The following AMOTL1 variants were observed in gnomAD, a reference collection of about 807,000 sequenced individuals.
The protein encoded by AMOTL1 is angiomotin like 1.
AMOTL1 carries 45 observed loss-of-function variants against 102.9 expected under a neutral mutation model. The ratio of observed to expected loss-of-function variants is 0.44; its 90% CI spans 0.34 to 0.56. The LOEUF (loss-of-function observed/expected upper bound fraction) is 0.56. Among genes scored for constraint, AMOTL1 ranks in the 20% least tolerant of loss-of-function variants. The pLI, the probability that AMOTL1 is intolerant of heterozygous loss-of-function variation, is 0.01. For synonymous variants in AMOTL1, 481 were observed against 484.7 expected (o/e 0.99, Z 0.10); for missense variants, 1,114 against 1,225.6 (o/e 0.91, Z 1.36).
At chr11:94,839,657 A>G (rs1170898629) in intron 6 of AMOTL1, among the ~76,000 whole-genome samples, 1 of 152,180 alleles carries the variant, frequency 6.6e-6, no homozygotes, top group Non-Finnish European at 1.5e-5. Context: ...AGAAACTGCA[A>G]CCGGAGTGAT....
chr11:94,748,284 G>GT (rs1424149869), intron 3 of AMOTL1, among the ~76,000 whole-genome samples: 9 of 152,242 alleles, frequency 5.9e-5, no homozygotes, highest in Non-Finnish European at 1.2e-4. Flanking sequence ...CAAGGTGACT[G>GT]TTTCAGCTTC....
chr11:94,743,557 G>A (rs1044124006), intron 3 of AMOTL1, among the ~76,000 whole-genome samples: 1 of 151,852 alleles, frequency 6.6e-6, no homozygotes, highest in Non-Finnish European at 1.5e-5. Flanking sequence ...CCATTCTTTC[G>A]GGAGCACAGA....
intron 3 of AMOTL1, among the ~76,000 whole-genome samples, chr11:94,755,080 T>C (rs1360292447): frequency 6.6e-6 from 1 of 152,154 alleles, no homozygotes; most frequent in Non-Finnish European, 1.5e-5. Flanking sequence ...GGTGCTTACA[T>C]CGATGAGACT....
At chr11:94,736,072 C>T (rs187631572) in intron 2 of AMOTL1, among the ~76,000 whole-genome samples, 1 of 152,028 alleles carries the variant, frequency 6.6e-6, no homozygotes, top group Non-Finnish European at 1.5e-5. Flanking sequence ...TCCACCTTGT[C>T]GTTTCCTCCC....
intron 7 of AMOTL1, among the ~76,000 whole-genome samples, chr11:94,853,424 T>G (rs1952589291): frequency 6.6e-6 from 1 of 152,140 alleles, no homozygotes; most frequent in Admixed American, 6.6e-5. Context: ...CCTGTGTTAG[T>G]TTGCTGAGAA....
chr11:94,786,947 T>C (rs927852874), intron 1 of AMOTL1, among the ~76,000 whole-genome samples: 1 of 152,178 alleles, frequency 6.6e-6, no homozygotes, highest in South Asian at 2.1e-4. Context: ...GTAAAATAAA[T>C]ATGTGTTGAG....
At chr11:94,780,705 T>C (rs1369924579) in intron 1 of AMOTL1, among the ~76,000 whole-genome samples, 2 of 152,220 alleles carry the variant, frequency 1.3e-5, no homozygotes, top group African/African-American at 4.8e-5. Context: ...TTAATAGCCC[T>C]TTCTGTTGTC....
In AMOTL1 at chr11:94,788,150, A is replaced by AT. The variant is rs573311425; in HGVS notation, c.50-6860dup. ...GGTTGGCTTCTGTAATGGAAGGTAG[A>AT]TAGAACCTGCCCCTAGACTTAGACA... On this transcript the variant is annotated intron_variant, in intron 1 of 12. Coordinates refer to ENST00000433060, the MANE Select transcript of AMOTL1 (RefSeq NM_130847.3). Among the ~76,000 whole-genome samples, 377 of 152,302 alleles carry AT rather than the reference A, an allele frequency of 2.5e-3. 2 individuals carry two copies. Among genetic ancestry groups the AT allele is most frequent in the African/African-American group, 8.9e-3 (370 of 41,566 alleles).
At chr11:94,768,581 G>T in intron 1 of AMOTL1, 21 bp downstream of exon 1, 1 of 1,583,342 alleles carries the variant, frequency 6.3e-7, no homozygotes, top group Admixed American at 1.8e-5. Context: ...CCCACTCGAG[G>T]TGCCGGGAGG....
chr11:94,789,946 G>GCTTTCCAGGGAACATA (rs1951255041), intron 1 of AMOTL1, among the ~76,000 whole-genome samples: 1 of 152,196 alleles, frequency 6.6e-6, no homozygotes, highest in Non-Finnish European at 1.5e-5. Flanking sequence ...TTGCCCGTTG[G>GCTTTCCAGGGAACATA]TGACATAACA....
chr11:94,766,380 AG>A (rs1950855089), upstream of AMOTL1, among the ~76,000 whole-genome samples: 1 of 152,244 alleles, frequency 6.6e-6, no homozygotes. Flanking sequence ...CTTGCCAAAA[AG>A]GATACTGAGG....
chr11:94,834,901 A>G (rs964722230), intron 6 of AMOTL1, among the ~76,000 whole-genome samples: 11 of 152,114 alleles, frequency 7.2e-5, no homozygotes, highest in Admixed American at 6.5e-4. Flanking sequence ...TAAAAACTGA[A>G]CTCTGCTCTT....
At chr11:94,829,285 G>C (rs994552544) in intron 4 of AMOTL1, among the ~76,000 whole-genome samples, 4 of 149,614 alleles carry the variant, frequency 2.7e-5, no homozygotes, top group Non-Finnish European at 5.9e-5. Flanking sequence ...GTGCAGTGAC[G>C]TGATCTTGCT....
intron 2 of AMOTL1, among the ~76,000 whole-genome samples, chr11:94,795,881 T>C (rs1258647546): frequency 6.6e-6 from 1 of 152,238 alleles, no homozygotes. Flanking sequence ...CCATTAAGTC[T>C]TTCAGATCAG....
chr11:94,819,176 CT>C (rs1233157850), intron 3 of AMOTL1, among the ~76,000 whole-genome samples: 2 of 152,088 alleles, frequency 1.3e-5, no homozygotes, highest in Non-Finnish European at 2.9e-5. Context: ...TTATAAAATG[CT>C]TTTTTGGAAA....
chr11:94,786,821 A>C (rs1951196833), intron 1 of AMOTL1, among the ~76,000 whole-genome samples: 1 of 152,248 alleles, frequency 6.6e-6, no homozygotes, highest in African/African-American at 2.4e-5. Flanking sequence ...GAACATGCTT[A>C]TAACTAGTTA....
rs560810238 is a variant in AMOTL1, at chr11:94,769,447, C to A, written c.49+887C>A. On this transcript the variant is annotated intron_variant, in intron 1 of 12. Transcript: ENST00000433060. ...TCTAGGGCCTCCGCTACCTGGACTG[C>A]GCTCGCGGCGACGTGTCCAAGTTTC... Among the ~76,000 whole-genome samples, 31 of 152,252 alleles carry A rather than the reference C, an allele frequency of 2.0e-4. No homozygotes were observed. The East Asian group carries it at 4.7e-3, about 23-fold the overall frequency.
intron 1 of AMOTL1, among the ~76,000 whole-genome samples, chr11:94,786,296 T>G (rs1054149209): frequency 1.3e-5 from 2 of 152,248 alleles, no homozygotes; most frequent in Non-Finnish European, 2.9e-5. Context: ...AGCCTTTTTA[T>G]TATGGATACT....
rs550681346 is a variant in AMOTL1, at chr11:94,848,368, A to C, written c.1649-1746A>C. On this transcript the variant is annotated intron_variant, in intron 6 of 12. Transcript: ENST00000433060. ...TGCAGTGGGGCATAAAGAGCCCAGAAGTAGTGCTGTGCTCTGAGTCAGGAT... is the reference window on the plus strand; with the variant it reads ...TGCAGTGGGGCATAAAGAGCCCAGACGTAGTGCTGTGCTCTGAGTCAGGAT... Among the ~76,000 whole-genome samples, 5 of 152,178 alleles carry C rather than the reference A, an allele frequency of 3.3e-5. No homozygotes were observed. In the East Asian group the frequency reaches 7.7e-4, roughly 24 times the overall value.
Sources: allele counts gnomAD v4.1 joint callset (sites outside exome capture counted in the v4.1 genomes callset), GRCh38; gene constraint gnomAD v4.1.1; transcripts MANE v1.5; gene names NCBI Gene and HGNC (gene_info 2026-07-23, HGNC 2026-07-21).